The following PPY variants were observed in gnomAD, a reference collection of about 807,000 sequenced individuals.
PPY encodes the protein pancreatic polypeptide.
In PPY, 6 loss-of-function variants were observed where a neutral mutation model predicts 9.3. That is an observed-to-expected ratio of 0.64 (90% CI 0.35 to 1.27). PPY has a LOEUF of 1.27. Among genes scored for constraint, PPY ranks in the 50% most tolerant of loss-of-function variants. PPY has a pLI of 0.03. For missense variants in PPY, 109 were observed against 119.1 expected (o/e 0.91, Z 0.40); for synonymous variants, 58 against 54.6 (o/e 1.06, Z -0.27).
At chr17:43,941,747 T>A in intron 1 of PPY, 93 bp from the exon 2 acceptor site, 1 of 1,309,388 alleles carries the variant, frequency 7.6e-7, no homozygotes, top group Non-Finnish European at 1.0e-6. Flanking sequence ...CCTTAGCCCA[T>A]CATCCATTTC....
Position 43,941,445 on chromosome 17 carries a change from C to A in PPY, c.191+19G>T, listed in dbSNP as rs770491098. The A allele has an allele frequency of 5.0e-5, 81 of 1,613,396 alleles. No homozygotes were observed. The highest frequency in any genetic ancestry group is 6.1e-5 in the Non-Finnish European group (72 of 1,179,900). ...GGGTCCCAGGGGCTGGGATCTCTCTCCCCAACTGTGGCACACACCTAGGCC... is the reference window on the plus strand; with the variant it reads ...GGGTCCCAGGGGCTGGGATCTCTCTACCCAACTGTGGCACACACCTAGGCC... On this transcript the variant is annotated intron_variant, in intron 2 of 3. Transcript: ENST00000225992.
At chr17:43,943,471 G>A (rs183547242), upstream of PPY, among the ~76,000 whole-genome samples, 21 of 152,034 alleles carry the variant, frequency 1.4e-4, no homozygotes, top group Admixed American at 2.6e-4. Flanking sequence ...CATAGCTACC[G>A]AGGTTCCGAA....
At chr17:43,944,166 G>C (rs2048595207), upstream of PPY, among the ~76,000 whole-genome samples, 4 of 152,286 alleles carry the variant, frequency 2.6e-5, no homozygotes, top group Admixed American at 2.6e-4. Context: ...CGCCGCCAGA[G>C]GGCGCCAGGC....
chr17:43,943,273 A>T (rs557612378), upstream of PPY, among the ~76,000 whole-genome samples: 3 of 152,262 alleles, frequency 2.0e-5, no homozygotes, highest in South Asian at 6.2e-4. Flanking sequence ...CAGATTCAGG[A>T]TCTGAAATCT....
intron 1 of PPY, 33 bp from the exon 2 acceptor site, chr17:43,941,687 C>T (rs2048580397): frequency 3.2e-6 from 5 of 1,552,794 alleles, no homozygotes; most frequent in East Asian, 2.3e-5. Flanking sequence ...GTGGAGAGCC[C>T]GGGCTGCAGA....
At chr17:43,941,336 G>A (rs1209392839) in intron 2 of PPY, 122 bp from the exon 3 acceptor site, 1 of 1,510,298 alleles carries the variant, frequency 6.6e-7, no homozygotes, top group African/African-American at 1.4e-5. Context: ...GAGCACAGAT[G>A]CCCTGTTTTC....
intron 1 of PPY, 51 bp from the exon 2 acceptor site, chr17:43,941,705 G>A (rs568099830): frequency 3.5e-5 from 53 of 1,513,724 alleles, no homozygotes; most frequent in African/African-American, 6.9e-5. Context: ...AGATTTTCCC[G>A]TGCCCAGGAA....
At chr17:43,940,977 C>A (rs1406245353) in intron 3 of PPY, 25 bp from the exon 4 acceptor site, 1 of 1,604,028 alleles carries the variant, frequency 6.2e-7, no homozygotes, top group Non-Finnish European at 8.5e-7. Flanking sequence ...CAGAACATGG[C>A]AGTGTAGGGG....
rs745692575 is a variant in PPY, at chr17:43,940,925, G to A, written c.*3C>T. The A allele has an allele frequency of 6.2e-7, 1 of 1,607,498 alleles. No homozygotes were observed. Among genetic ancestry groups the A allele is most frequent in the Non-Finnish European group, 8.5e-7 (1 of 1,177,280 alleles). On this transcript the variant is annotated 3_prime_UTR_variant, in exon 4 of 4. Coordinates refer to ENST00000225992, the MANE Select transcript of PPY (RefSeq NM_002722.5). ...ATGGAGTCGTAGGAGACAGAAGGTG[G>A]CATTATAAGTCCAGCGGGCTGAGCT... is the stretch of plus-strand genomic sequence containing the variant.
At chr17:43,941,738 C>T in intron 1 of PPY, 84 bp from the exon 2 acceptor site, 5 of 1,354,656 alleles carry the variant, frequency 3.7e-6, no homozygotes, top group South Asian at 1.4e-5. Flanking sequence ...TATCCAGCCC[C>T]TTAGCCCATC....
Position 43,940,924 on chromosome 17 carries a change from G to A in PPY, c.*4C>T. 1 of 1,607,454 alleles carries A rather than the reference G, an allele frequency of 6.2e-7. No individual in the cohort carries two copies. The highest frequency in any genetic ancestry group is 8.5e-7 in the Non-Finnish European group (1 of 1,177,272). Reference sequence around the variant, plus strand: ...CATGGAGTCGTAGGAGACAGAAGGTGGCATTATAAGTCCAGCGGGCTGAGC... The same window carrying A: ...CATGGAGTCGTAGGAGACAGAAGGTAGCATTATAAGTCCAGCGGGCTGAGC... On this transcript the variant is annotated 3_prime_UTR_variant, in exon 4 of 4. Coordinates refer to ENST00000225992, the MANE Select transcript of PPY (RefSeq NM_002722.5).
In PPY at chr17:43,941,197, T is replaced by A. The variant is rs993572996; in HGVS notation, c.209A>T (p.Lys70Ile). 5.8e-6 allele frequency: 9 copies of A among 1,551,544 alleles called. No individual in the cohort carries two copies. Among genetic ancestry groups the A allele is most frequent in the Non-Finnish European group, 7.8e-6 (9 of 1,146,942 alleles). Residue 70 changes from lysine to isoleucine, a missense_variant, in exon 3 of 4, where the codon AAA becomes ATA. Transcript: ENST00000225992. ...LTRPRYGKRH[K>I]EDTLAFSEWG... ...CTCCGAGAAGGCCAGCGTGTCCTCT[T>A]TGTGTCTTTTCCCATACCTGGGAGG...
Position 43,941,544 on chromosome 17 carries a change from TG to T in PPY, c.110del (p.Pro37GlnfsTer24), listed in dbSNP as rs752116551. The T allele has an allele frequency of 6.2e-7, 1 of 1,613,998 alleles. No homozygotes were observed. The highest frequency in any genetic ancestry group is 1.1e-5 in the South Asian group (1 of 91,032). ...AQGAPLEPVY[P>X]GDNATPEQMA... ...TCTGCTCTGGTGTGGCATTGTCCCC[TG>T]GGTACACTGGCTCCAGTGGGGCTCC... On this transcript the variant is annotated frameshift_variant, in exon 2 of 4. Coordinates refer to ENST00000225992, the MANE Select transcript of PPY (RefSeq NM_002722.5). LOFTEE classifies it high-confidence loss of function.
At chr17:43,941,045 T>C in intron 3 of PPY, 93 bp from the exon 4 acceptor site, 1 of 1,547,978 alleles carries the variant, frequency 6.5e-7, no homozygotes, top group Middle Eastern at 1.7e-4. Flanking sequence ...TTCTCCCTCT[T>C]CCACCCCCCA....
rs1308952401 is a variant in PPY, at chr17:43,941,180, AG to A, written c.225del (p.Phe76SerfsTer57). On this transcript the variant is annotated frameshift_variant, in exon 3 of 4. Transcript: ENST00000225992. LOFTEE classifies it low-confidence loss of function (END_TRUNC). The stretch of plus-strand genomic sequence containing the variant: ...GCATGCGGGGACCCCCACTCCGAGA[AG>A]GCCAGCGTGTCCTCTTTGTGTCTTT... ...YGKRHKEDTL[A>X]FSEWGSPHAA... 6.4e-7 allele frequency: 1 copy of A among 1,551,658 alleles called. No individual in the cohort carries two copies. Among genetic ancestry groups the A allele is most frequent in the Admixed American group, 2.0e-5 (1 of 51,008 alleles).
chr17:43,941,057 T>C, intron 3 of PPY, 86 bp downstream of exon 3: 8 of 1,545,644 alleles, frequency 5.2e-6, no homozygotes, highest in Non-Finnish European at 7.0e-6. Flanking sequence ...CACCCCCCAC[T>C]ACACCTTTCC....
rs937481681 is a variant in PPY, at chr17:43,941,496, G to A, written c.159C>T (p.Leu53=). ...TGGTCAGCATGTTGATGTATCTACG[G>A]AGATCAGCTGCATACTGGGCCATCT... ...PEQMAQYAAD[L]RRYINMLTRP... Residue 53 remains leucine (L), a synonymous_variant, in exon 2 of 4, where the codon CTC becomes CTT. Coordinates refer to ENST00000225992, the MANE Select transcript of PPY (RefSeq NM_002722.5). 6 of 1,614,020 alleles carry A rather than the reference G, an allele frequency of 3.7e-6. No individual in the cohort carries two copies. The Admixed American group carries it at 5.0e-5, about 13-fold the overall frequency.
chr17:43,941,574 G>A lies in PPY; in HGVS notation c.81C>T (p.Ala27=), dbSNP rs374127375. 2 of 1,613,882 alleles carry A rather than the reference G, an allele frequency of 1.2e-6. No homozygotes were observed. The highest frequency in any genetic ancestry group is 2.7e-5 in the African/African-American group (2 of 75,028). ...VALLLQPLLG[A]QGAPLEPVYP... is the part of the protein sequence containing the mutation. ...ACACTGGCTCCAGTGGGGCTCCCTG[G>A]GCACCCAGCAGTGGCTGTAGTAACA... is the stretch of plus-strand genomic sequence containing the variant. The change falls in exon 2 of 4, where the codon GCC becomes GCT. Residue 27 remains alanine (A), a synonymous_variant. Transcript: ENST00000225992.
chr17:43,941,801 G>A (rs1041566547), intron 1 of PPY, 147 bp from the exon 2 acceptor site: 2 of 871,544 alleles, frequency 2.3e-6, no homozygotes, highest in African/African-American at 3.4e-5. Context: ...GCCACTCCAA[G>A]CTGGCCACTC....
Sources: allele counts gnomAD v4.1 joint callset (sites outside exome capture counted in the v4.1 genomes callset), GRCh38; gene constraint gnomAD v4.1.1; transcripts MANE v1.5; gene names NCBI Gene and HGNC (gene_info 2026-07-23, HGNC 2026-07-21).